DPYD: variants seen among roughly 807,000 people sequenced by gnomAD.
DPYD encodes dihydropyrimidine dehydrogenase, also known as dihydropyrimidine dehydrogenase [NADP(+)].
A neutral mutation model predicts 116.2 loss-of-function variants in DPYD; 109 were observed. That is an observed-to-expected ratio of 0.94 (90% CI 0.80 to 1.10). The LOEUF is 1.10. Among genes scored for constraint, DPYD ranks in the 50% least tolerant of loss-of-function variants. DPYD has a pLI of 0.00. For synonymous variants in DPYD, 440 were observed against 432.0 expected, an observed-to-expected ratio of 1.02 and a Z score of -0.23; for missense variants, 1,302 against 1,254.5, an observed-to-expected ratio of 1.04 and a Z score of -0.57.
At chr1:97,370,953 A>C (rs901397215) in intron 16 of DPYD, among the ~76,000 whole-genome samples, 1 of 152,178 alleles carries the variant, frequency 6.6e-6, no homozygotes, top group African/African-American at 2.4e-5. Flanking sequence ...CTGTTTCCAT[A>C]AATTTCATAA....
intron 3 of DPYD, among the ~76,000 whole-genome samples, chr1:97,814,561 C>T (rs919086617): frequency 6.6e-6 from 1 of 152,074 alleles, no homozygotes; most frequent in East Asian, 1.9e-4. Context: ...TGATTAGATG[C>T]GCATGTGAGA....
In DPYD at chr1:97,699,551, C is replaced by T. The variant is rs202011255; in HGVS notation, c.484-4G>A. On this transcript the variant is annotated splice_polypyrimidine_tract_variant and splice_region_variant and intron_variant, in intron 5 of 22. Coordinates refer to ENST00000370192, the MANE Select transcript of DPYD (RefSeq NM_000110.4). ...GGATACTCATTGCTTTGAATACCTA[C>T]GGGGAAATCAATTGTCATGGTTAAA... The T allele has an allele frequency of 5.0e-4, 806 of 1,612,920 alleles. No homozygotes were observed. The highest frequency in any genetic ancestry group is 6.3e-4 in the Non-Finnish European group (738 of 1,179,216).
chr1:97,579,227 C>T (rs1653473622), intron 10 of DPYD, among the ~76,000 whole-genome samples: 1 of 152,150 alleles, frequency 6.6e-6, no homozygotes. Flanking sequence ...TGGTCACAGC[C>T]CTACCTGTGT....
chr1:97,735,245 A>T (rs1663857850), intron 4 of DPYD, among the ~76,000 whole-genome samples: 1 of 152,158 alleles, frequency 6.6e-6, no homozygotes, highest in Non-Finnish European at 1.5e-5. Flanking sequence ...AAAAATAATA[A>T]TAAAAATTCA....
At chr1:97,766,415 C>T (rs948192029) in intron 3 of DPYD, among the ~76,000 whole-genome samples, 2 of 151,976 alleles carry the variant, frequency 1.3e-5, no homozygotes, top group Non-Finnish European at 2.9e-5. Flanking sequence ...ACAGCACTCA[C>T]CCATTTGCAA....
intron 8 of DPYD, among the ~76,000 whole-genome samples, chr1:97,667,048 TG>T (rs1315399247): frequency 2.6e-5 from 4 of 152,210 alleles, no homozygotes; most frequent in Non-Finnish European, 5.9e-5. Flanking sequence ...CATATTCATT[TG>T]TTTACATATA....
intron 18 of DPYD, among the ~76,000 whole-genome samples, chr1:97,237,996 T>C (rs17116602): frequency 0.12 from 18,267 of 152,032 alleles, 1,362 homozygotes; most frequent in East Asian, 0.35. Flanking sequence ...TTGATATTAA[T>C]GGACATAAAA....
At chr1:97,807,384 A>G (rs1273692285) in intron 3 of DPYD, among the ~76,000 whole-genome samples, 1 of 151,934 alleles carries the variant, frequency 6.6e-6, no homozygotes, top group Non-Finnish European at 1.5e-5. Flanking sequence ...TGTTGTTTTA[A>G]TTTGCAATTC....
chr1:97,134,062 TATA>T (rs1653595930), intron 20 of DPYD, among the ~76,000 whole-genome samples: 1 of 114,404 alleles, frequency 8.7e-6, no homozygotes, highest in Non-Finnish European at 1.7e-5. Flanking sequence ...TATATATATA[TATA>T]TATTCTAATT....
intron 18 of DPYD, among the ~76,000 whole-genome samples, chr1:97,276,118 A>G (rs1557992081): frequency 1.3e-5 from 2 of 152,258 alleles, no homozygotes. Context: ...GTTAATCTAT[A>G]TCTTCATTTG....
chr1:97,563,078 T>C (rs1652278945), intron 11 of DPYD, among the ~76,000 whole-genome samples: 1 of 152,128 alleles, frequency 6.6e-6, no homozygotes, highest in Non-Finnish European at 1.5e-5. Flanking sequence ...ATATTGTGCT[T>C]TGAGTCAAGA....
chr1:97,171,210 G>A (rs1380992539), intron 20 of DPYD, among the ~76,000 whole-genome samples: 1 of 152,156 alleles, frequency 6.6e-6, no homozygotes, highest in Non-Finnish European at 1.5e-5. Context: ...ATCAGCCCAC[G>A]ATGGCAATGT....
At chr1:97,151,640 A>T (rs1360733031) in intron 20 of DPYD, among the ~76,000 whole-genome samples, 1 of 152,146 alleles carries the variant, frequency 6.6e-6, no homozygotes, top group African/African-American at 2.4e-5. Context: ...GTGCCATTGC[A>T]CTCCAGCCTG....
At position 97,305,702 on chromosome 1, in the gene DPYD, G is replaced by T. The variant is rs558548127; in HGVS notation, c.2180-324C>A. 2.0e-5 allele frequency among the ~76,000 whole-genome samples: 3 copies of T among 152,020 alleles called. No individual in the cohort carries two copies. The East Asian group carries it at 5.8e-4, about 30-fold the overall frequency. ...TTTCCCTGGGATGGAACACAAGCAC[G>T]CATGATTTTTGTATTCAACAGATAT... is the stretch of plus-strand genomic sequence containing the variant. On this transcript the variant is annotated intron_variant, in intron 17 of 22. Transcript: ENST00000370192.
chr1:97,771,441 T>C (rs55932414), intron 3 of DPYD, among the ~76,000 whole-genome samples: 156 of 152,224 alleles, frequency 1.0e-3, no homozygotes, highest in Non-Finnish European at 1.9e-3. Context: ...GACATGCATA[T>C]ATGTGCACAA....
At chr1:97,271,172 T>C (rs1186505517) in intron 18 of DPYD, among the ~76,000 whole-genome samples, 1 of 151,786 alleles carries the variant, frequency 6.6e-6, no homozygotes, top group Non-Finnish European at 1.5e-5. Flanking sequence ...CATTAGAGAG[T>C]AGAACAGTTC....
chr1:97,826,962 T>C (rs1275858779), intron 3 of DPYD, among the ~76,000 whole-genome samples: 2 of 152,108 alleles, frequency 1.3e-5, no homozygotes, highest in Non-Finnish European at 2.9e-5. Flanking sequence ...GTACCATGTA[T>C]CTTTGTGTAG....
intron 13 of DPYD, among the ~76,000 whole-genome samples, chr1:97,503,576 C>T (rs1679716336): frequency 1.3e-5 from 2 of 151,958 alleles, no homozygotes; most frequent in South Asian, 4.1e-4. Flanking sequence ...TGCTCCTACT[C>T]AACCTTTCTT....
chr1:97,111,219 C>T (rs888750407), intron 20 of DPYD, among the ~76,000 whole-genome samples: 4 of 152,022 alleles, frequency 2.6e-5, no homozygotes, highest in African/African-American at 4.8e-5. Flanking sequence ...CTTGGTATAA[C>T]GTATCCTCCT....
Sources: allele counts gnomAD v4.1 joint callset (sites outside exome capture counted in the v4.1 genomes callset), GRCh38; gene constraint gnomAD v4.1.1; transcripts MANE v1.5; gene names NCBI Gene and HGNC (gene_info 2026-07-23, HGNC 2026-07-21).